The following SORCS3 variants were observed in gnomAD, a reference collection of about 807,000 sequenced individuals.
SORCS3 encodes the protein VPS10 domain-containing receptor SorCS3.
Under a neutral mutation model 146.3 loss-of-function variants are expected in SORCS3, and 57 were observed. The ratio of observed to expected loss-of-function variants is 0.39; its 90% confidence interval spans 0.31 to 0.49. SORCS3 has a LOEUF of 0.49. SORCS3 is among the 20% of genes least tolerant of loss of function. SORCS3 has a pLI of 0.92. For synonymous variants in SORCS3, 653 were observed against 618.5 expected (o/e 1.06, Z -0.83); for missense variants, 1,341 against 1,575.5 (o/e 0.85, Z 2.52).
At chr10:105,141,815 T>C (rs1418862202) in intron 8 of SORCS3, among the ~76,000 whole-genome samples, 1 of 152,144 alleles carries the variant, frequency 6.6e-6, no homozygotes, top group African/African-American at 2.4e-5. Context: ...AAAAGACAGG[T>C]GAGCTTATGA....
chr10:104,864,630 G>T (rs2018441143), intron 2 of SORCS3, among the ~76,000 whole-genome samples: 1 of 152,086 alleles, frequency 6.6e-6, no homozygotes, highest in Non-Finnish European at 1.5e-5. Context: ...GGTGCTCCAA[G>T]GTCTTTTCAT....
At chr10:105,029,739 A>G (rs1471014643) in intron 4 of SORCS3, among the ~76,000 whole-genome samples, 1 of 152,208 alleles carries the variant, frequency 6.6e-6, no homozygotes, top group Admixed American at 6.5e-5. Context: ...AAGAAGCTTC[A>G]AATACTCAGC....
At chr10:104,675,638 T>G (rs2015904648) in intron 1 of SORCS3, among the ~76,000 whole-genome samples, 1 of 152,240 alleles carries the variant, frequency 6.6e-6, no homozygotes, top group South Asian at 2.1e-4. Context: ...CACCATTTAC[T>G]GGAAAGATGT....
intron 1 of SORCS3, among the ~76,000 whole-genome samples, chr10:104,724,324 A>G (rs2016593460): frequency 6.6e-6 from 1 of 152,140 alleles, no homozygotes; most frequent in Admixed American, 6.5e-5. Context: ...TCTGACTTGT[A>G]GAGTTTCTGC....
intron 1 of SORCS3, among the ~76,000 whole-genome samples, chr10:104,717,158 A>G (rs140086890): frequency 6.6e-6 from 1 of 152,026 alleles, no homozygotes; most frequent in East Asian, 1.9e-4. Context: ...GGTGGCTCAC[A>G]CTTGTAATCC....
chr10:105,158,234 C>T (rs2056229387), intron 10 of SORCS3, among the ~76,000 whole-genome samples: 1 of 151,860 alleles, frequency 6.6e-6, no homozygotes, highest in African/African-American at 2.4e-5. Context: ...ATTTCTTCAT[C>T]TTCTTATTTG....
At chr10:104,832,734 T>C (rs2018015096) in intron 1 of SORCS3, among the ~76,000 whole-genome samples, 1 of 150,902 alleles carries the variant, frequency 6.6e-6, no homozygotes, top group Non-Finnish European at 1.5e-5. Context: ...AATAAATAAA[T>C]AAATAAATAA....
intron 2 of SORCS3, among the ~76,000 whole-genome samples, chr10:104,902,132 A>G (rs2018857777): frequency 1.3e-5 from 2 of 152,180 alleles, no homozygotes; most frequent in South Asian, 4.1e-4. Flanking sequence ...GTCTGTAACA[A>G]CAAGACTAGA....
intron 20 of SORCS3, among the ~76,000 whole-genome samples, chr10:105,231,882 TA>T (rs1461969282): frequency 7.2e-5 from 11 of 152,196 alleles, no homozygotes; most frequent in Non-Finnish European, 1.3e-4. Flanking sequence ...TAATTTTTTA[TA>T]CATGATTGGA....
chr10:104,650,737 T>A (rs1212074145), intron 1 of SORCS3, among the ~76,000 whole-genome samples: 1 of 152,162 alleles, frequency 6.6e-6, no homozygotes, highest in Non-Finnish European at 1.5e-5. Flanking sequence ...AAAGAACAAG[T>A]GTCTTGGGGA....
chr10:104,823,447 A>G (rs1166384242), intron 1 of SORCS3, among the ~76,000 whole-genome samples: 2 of 151,892 alleles, frequency 1.3e-5, no homozygotes, highest in Non-Finnish European at 2.9e-5. Context: ...CAACTTTTTC[A>G]TAAGGGATTC....
chr10:104,688,860 GTCCTCACT>G (rs1257982523), intron 1 of SORCS3, among the ~76,000 whole-genome samples: 1 of 152,204 alleles, frequency 6.6e-6, no homozygotes, highest in Non-Finnish European at 1.5e-5. Flanking sequence ...AAGTCCTTGA[GTCCTCACT>G]GACAAGGAGA....
intron 2 of SORCS3, among the ~76,000 whole-genome samples, chr10:104,883,993 C>T (rs940573984): frequency 6.0e-5 from 9 of 149,886 alleles, no homozygotes; most frequent in Non-Finnish European, 1.0e-4. Flanking sequence ...GGGAAAGGGT[C>T]CTACCCTATC....
intron 16 of SORCS3, among the ~76,000 whole-genome samples, chr10:105,205,862 A>G (rs1283001567): frequency 6.6e-6 from 1 of 152,190 alleles, no homozygotes; most frequent in Non-Finnish European, 1.5e-5. Context: ...AAGGAATGGA[A>G]CACAGAGATG....
rs1437730267 is a variant in SORCS3, at chr10:105,200,081, A to G, written c.2092A>G (p.Lys698Glu). ...ATCTATCTTCAGCCGGCATTGCACC[A>G]AGGAGGACTATCAGACCTGGCACCT... ...YKSIFSRHCT[K>E]EDYQTWHLLN... The change falls in exon 15 of 27, where the codon AAG (lysine) becomes GAG (glutamate). Residue 698 changes from lysine to glutamate, a missense_variant. Transcript: ENST00000369701. The G allele has an allele frequency of 6.2e-7, 1 of 1,613,654 alleles. No individual in the cohort carries two copies. The highest frequency in any genetic ancestry group is 1.1e-5 in the South Asian group (1 of 91,062).
At chr10:105,235,454 G>T (rs1431993680) in intron 20 of SORCS3, among the ~76,000 whole-genome samples, 1 of 150,826 alleles carries the variant, frequency 6.6e-6, no homozygotes, top group Non-Finnish European at 1.5e-5. Context: ...GTGTGTGTGT[G>T]TGTGTGTGTG....
intron 3 of SORCS3, among the ~76,000 whole-genome samples, chr10:104,938,450 A>G (rs1015016778): frequency 1.3e-5 from 2 of 151,988 alleles, no homozygotes; most frequent in African/African-American, 2.4e-5. Flanking sequence ...TGCTTGCCTT[A>G]TCTCACTCAT....
At chr10:105,138,364 C>T (rs771207616) in intron 7 of SORCS3, among the ~76,000 whole-genome samples, 1 of 152,154 alleles carries the variant, frequency 6.6e-6, no homozygotes, top group Non-Finnish European at 1.5e-5. Context: ...AGAGAAGTTA[C>T]AGCTCTTCTG....
chr10:105,247,344 T>C lies in SORCS3; in HGVS notation c.3105+13T>C. 6.7e-7 allele frequency: 1 copy of C among 1,490,606 alleles called. No individual in the cohort carries two copies. Among genetic ancestry groups the C allele is most frequent in the Non-Finnish European group, 9.3e-7 (1 of 1,070,366 alleles). The allele number at this position is 1,490,606 out of a possible 1,614,324, so 92.3% of individuals were successfully genotyped here. ...AGCTCTGGTTAAAGTAAGTTGGCTT[T>C]GTCTTTTTTTAAGTTCTTGTGAATA... On this transcript the variant is annotated intron_variant, in intron 22 of 26. Transcript: ENST00000369701.
Sources: gnomAD v4.1 joint callset for allele counts (sites outside exome capture counted in the v4.1 genomes callset) on GRCh38, gnomAD v4.1.1 for gene constraint, MANE v1.5 for transcripts, NCBI Gene and HGNC (gene_info 2026-07-23, HGNC 2026-07-21) for gene names.